The following RFC5 variants were observed in gnomAD, a reference collection of about 807,000 sequenced individuals.
RFC5 encodes the protein replication factor C subunit 5, also known as A1 36 kDa subunit.
Under a neutral mutation model 44.3 loss-of-function variants are expected in RFC5, and 26 were observed. That is an observed-to-expected ratio of 0.59 (90% CI 0.43 to 0.81). RFC5 has a LOEUF of 0.81. Ranked by LOEUF, RFC5 falls within the 40% of genes least tolerant of loss-of-function variation. RFC5 has a pLI of 0.00. For missense variants in RFC5, 328 were observed against 418.6 expected (o/e 0.78, Z 1.89); for synonymous variants, 155 against 155.2 (o/e 1.00, Z 0.01).
At chr12:118,034,107 C>G, downstream of RFC5, 1 of 1,531,188 alleles carries the variant, frequency 6.5e-7, no homozygotes. Flanking sequence ...TATTTCAATG[C>G]AAGACCAGAT....
intron 9 of RFC5, among the ~76,000 whole-genome samples, chr12:118,028,399 C>A (rs545686286): frequency 1.3e-5 from 2 of 150,394 alleles, no homozygotes; most frequent in East Asian, 4.1e-4. Context: ...GTGGGAGAAT[C>A]ATTTGAACCT....
the RFC5 span, among the ~76,000 whole-genome samples, chr12:118,039,434 C>T: frequency 3.3e-5 from 5 of 152,086 alleles, no homozygotes; most frequent in Admixed American, 6.6e-5. Flanking sequence ...AGGGAAAAAT[C>T]GTGAAGATGT....
At chr12:118,036,918 A>C (rs1425010451), downstream of RFC5, among the ~76,000 whole-genome samples, 2 of 152,238 alleles carry the variant, frequency 1.3e-5, no homozygotes, top group Admixed American at 1.3e-4. Flanking sequence ...ACGATGGCTC[A>C]TGCCTGTAAT....
Position 118,022,317 on chromosome 12 carries a change from G to A in RFC5, c.379G>A (p.Ala127Thr), listed in dbSNP as rs1418337592. 9 of 1,613,940 alleles carry A rather than the reference G, an allele frequency of 5.6e-6. No individual in the cohort carries two copies. Among genetic ancestry groups the A allele is most frequent in the Admixed American group, 1.7e-5 (1 of 60,000 alleles). The part of the protein sequence containing the change: ...KGFKLVILDE[A>T]DAMTQDAQNA... ...CTTTAAGCTAGTGATCTTGGATGAA[G>A]CAGACGCCATGACTCAGGACGCCCA... is the stretch of plus-strand genomic sequence containing the variant. Residue 127 changes from alanine to threonine, a missense_variant, in exon 5 of 11, where the codon GCA becomes ACA. Physicochemically the swap from Ala to Thr is moderately conservative, Grantham distance 58. Coordinates refer to ENST00000454402, the MANE Select transcript of RFC5 (RefSeq NM_007370.7).
Position 118,019,262 on chromosome 12 carries a change from A to G in RFC5, c.130+126A>G. ...TTGCGCTTTGTAGAATGTGGCTTTA[A>G]GATCATTCATTCATTTTCTTCAGGT... is the stretch of plus-strand genomic sequence containing the variant. On this transcript the variant is annotated intron_variant, in intron 2 of 10. Coordinates refer to ENST00000454402, the MANE Select transcript of RFC5 (RefSeq NM_007370.7). The surrounding 1 kb of genome is among the most constrained non-coding windows in gnomAD (Gnocchi z 4.2). 4.0e-6 allele frequency: 3 copies of G among 759,056 alleles called. No homozygotes were observed. The Admixed American group carries it at 6.0e-5, about 15-fold the overall frequency. The allele number at this position is 759,056 out of a possible 1,614,324, so 47.0% of individuals were successfully genotyped here. A position where few individuals can be genotyped will look rare whatever the true frequency, so the allele number is the denominator to read the frequency against.
Position 118,027,023 on chromosome 12 carries a change from C to G in RFC5, c.793+5C>G. The stretch of plus-strand genomic sequence containing the variant: ...ATTTCACCACAGCCTACAGAAGTAT[C>G]CTTTCTCATGACCTCCTGGCCACCG... On this transcript the variant is annotated splice_donor_5th_base_variant and intron_variant, in intron 8 of 10. Coordinates refer to ENST00000454402, the MANE Select transcript of RFC5 (RefSeq NM_007370.7). The G allele has an allele frequency of 6.2e-7, 1 of 1,611,230 alleles. No homozygotes were observed. The highest frequency in any genetic ancestry group is 2.2e-5 in the East Asian group (1 of 44,856).
rs1284523455 is a variant in RFC5, at chr12:118,031,470, T to A, written c.*192T>A. 1.7e-5 allele frequency: 7 copies of A among 418,042 alleles called. No homozygotes were observed. Among genetic ancestry groups the A allele is most frequent in the Admixed American group, 4.2e-5 (1 of 24,072 alleles). The allele number at this position is 418,042 out of a possible 1,614,324, so 25.9% of individuals were successfully genotyped here. A position where few individuals can be genotyped will look rare whatever the true frequency, so the allele number is the denominator to read the frequency against. ...TTTGTGGTTGTTTGGAGCAGGGATGTACAAAATAATTTTAATGTATTAACT... is the reference window on the plus strand; with the variant it reads ...TTTGTGGTTGTTTGGAGCAGGGATGAACAAAATAATTTTAATGTATTAACT... On this transcript the variant is annotated 3_prime_UTR_variant, in exon 11 of 11. Coordinates refer to ENST00000454402, the MANE Select transcript of RFC5 (RefSeq NM_007370.7).
Position 118,031,355 on chromosome 12 carries a change from T to C in RFC5, c.*77T>C, listed in dbSNP as rs2031313819. The C allele has an allele frequency of 1.0e-6, 1 of 955,008 alleles. No homozygotes were observed. Among genetic ancestry groups the C allele is most frequent in the Non-Finnish European group, 1.6e-6 (1 of 612,440 alleles). The allele number at this position is 955,008 out of a possible 1,614,324, so 59.2% of individuals were successfully genotyped here. ...AGAGGACAGTTCCAGGATAAACTGC[T>C]GCCTGGGGCTGTGGGATGAATCAGT... is the stretch of plus-strand genomic sequence containing the variant. On this transcript the variant is annotated 3_prime_UTR_variant, in exon 11 of 11. Transcript: ENST00000454402.
chr12:118,039,793 G>C, the RFC5 span, among the ~76,000 whole-genome samples: 2 of 151,344 alleles, frequency 1.3e-5, no homozygotes, highest in Non-Finnish European at 2.9e-5. Context: ...GCCTAGGTGG[G>C]AGTGCAATGG....
At chr12:118,025,265 A>C (rs1022378286) in intron 6 of RFC5, 3 of 411,100 alleles carry the variant, frequency 7.3e-6, no homozygotes, top group African/African-American at 4.1e-5. Context: ...ATTTCCTCCT[A>C]CTCTTCTTTG....
At chr12:118,034,574 G>GCTCTCT (rs368693869), downstream of RFC5, 1,926 of 529,474 alleles carry the variant, frequency 3.6e-3, 25 homozygotes, top group African/African-American at 0.033. Flanking sequence ...ATACCAAAGC[G>GCTCTCT]CTCTCTCTGT....
chr12:118,017,040 T>TC, intron 1 of RFC5, 148 bp downstream of exon 1: 1 of 683,884 alleles, frequency 1.5e-6, no homozygotes, highest in Non-Finnish European at 2.6e-6. Flanking sequence ...TGCAGAGGTT[T>TC]CCCCCGACAC....
downstream of RFC5, among the ~76,000 whole-genome samples, chr12:118,036,924 G>A (rs1048717728): frequency 6.6e-6 from 1 of 152,224 alleles, no homozygotes; most frequent in Non-Finnish European, 1.5e-5. Context: ...GCTCATGCCT[G>A]TAATCTCAGC....
chr12:118,029,801 T>A lies in RFC5; in HGVS notation c.902T>A (p.Leu301Ter). The A allele has an allele frequency of 6.2e-7, 1 of 1,610,484 alleles. No homozygotes were observed. Among genetic ancestry groups the A allele is most frequent in the Non-Finnish European group, 8.5e-7 (1 of 1,176,668 alleles). ...TTTCCATCTTCAGTTCGAATACATT[T>A]ATTGACCAAAATGGCAGACATTGAG... ...VDFPSSVRIH[L>*]LTKMADIEYR... Residue 301 changes from leucine to a stop codon, truncating the protein, a stop_gained, in exon 10 of 11, where the codon TTA becomes TAA. Coordinates refer to ENST00000454402, the MANE Select transcript of RFC5 (RefSeq NM_007370.7). LOFTEE classifies it high-confidence loss of function.
At chr12:118,040,981 G>A in the RFC5 span, among the ~76,000 whole-genome samples, 6 of 152,172 alleles carry the variant, frequency 3.9e-5, no homozygotes, top group African/African-American at 1.4e-4. Flanking sequence ...CCTGGGAGGC[G>A]GAGGTTGCAG....
chr12:118,027,682 A>AG, intron 8 of RFC5, among the ~76,000 whole-genome samples: 1 of 146,856 alleles, frequency 6.8e-6, no homozygotes, highest in East Asian at 2.1e-4. Flanking sequence ...AAAAAAAAAA[A>AG]AAAAGAAAGA....
intron 9 of RFC5, among the ~76,000 whole-genome samples, chr12:118,028,642 T>TAAA (rs774341657): frequency 7.4e-6 from 1 of 136,034 alleles, no homozygotes; most frequent in Admixed American, 7.5e-5. Flanking sequence ...TTCACATTTC[T>TAAA]AAAAAAAAAA....
chr12:118,030,702 A>G (rs1271294603), intron 10 of RFC5, among the ~76,000 whole-genome samples: 1 of 152,162 alleles, frequency 6.6e-6, no homozygotes, highest in Non-Finnish European at 1.5e-5. Flanking sequence ...GCAGTGATGC[A>G]GTCTCGGCTC....
intron 1 of RFC5, chr12:118,018,132 G>T: frequency 1.6e-6 from 1 of 636,556 alleles, no homozygotes; most frequent in Non-Finnish European, 2.9e-6. Flanking sequence ...GTTCATGCAT[G>T]TTGCTGCTTG....
Sources: allele counts gnomAD v4.1 joint callset (sites outside exome capture counted in the v4.1 genomes callset), GRCh38; gene constraint gnomAD v4.1.1; non-coding constraint Gnocchi (gnomAD v3.1); transcripts MANE v1.5; gene names NCBI Gene and HGNC (gene_info 2026-07-23, HGNC 2026-07-21).